The following LHFPL6 variants were observed in gnomAD, a reference collection of about 807,000 sequenced individuals.
The protein encoded by LHFPL6 is LHFPL tetraspan subfamily member 6.
In LHFPL6, 9 loss-of-function variants were observed where a neutral mutation model predicts 20.6. That is an observed-to-expected ratio of 0.44 (90% CI 0.26 to 0.76). The LOEUF (loss-of-function observed/expected upper bound fraction) is 0.76, where lower values mean the gene tolerates loss of function less well. Ranked by LOEUF, LHFPL6 falls within the 30% of genes least tolerant of loss-of-function variation. The probability of loss-of-function intolerance (pLI) is 0.20; values close to 1 mark genes in which losing one functional copy is unlikely to be tolerated. For synonymous variants in LHFPL6, 105 were observed against 98.7 expected, an observed-to-expected ratio of 1.06 and a Z score of -0.38; for missense variants, 218 against 253.5, an observed-to-expected ratio of 0.86 and a Z score of 0.95.
chr13:39,443,192 G>A (rs531999626), intron 2 of LHFPL6, among the ~76,000 whole-genome samples: 2 of 152,242 alleles, frequency 1.3e-5, no homozygotes, highest in African/African-American at 4.8e-5. Context: ...GTTGGTTCAT[G>A]AGAAAAGGAT....
chr13:39,436,813 T>A (rs1489505224), intron 2 of LHFPL6, among the ~76,000 whole-genome samples: 2 of 152,216 alleles, frequency 1.3e-5, no homozygotes, highest in Admixed American at 6.5e-5. Flanking sequence ...TCCCAGTGTG[T>A]GCCTAACAAT....
At chr13:39,569,583 G>A (rs1593367844) in intron 2 of LHFPL6, among the ~76,000 whole-genome samples, 1 of 152,306 alleles carries the variant, frequency 6.6e-6, no homozygotes, top group East Asian at 1.9e-4. Context: ...AATAAACGGT[G>A]TTAAATTTAC....
At chr13:39,516,976 G>T (rs545748595) in intron 2 of LHFPL6, among the ~76,000 whole-genome samples, 1 of 152,256 alleles carries the variant, frequency 6.6e-6, no homozygotes, top group East Asian at 1.9e-4. Flanking sequence ...AATCTTCCAC[G>T]TTGGAAGCAG....
chr13:39,461,899 T>C (rs1289301715), intron 2 of LHFPL6, among the ~76,000 whole-genome samples: 1 of 152,200 alleles, frequency 6.6e-6, no homozygotes, highest in East Asian at 1.9e-4. Flanking sequence ...ACTATTTTTT[T>C]AAATTCCTGA....
At chr13:39,554,510 A>ATT (rs1315810931) in intron 2 of LHFPL6, among the ~76,000 whole-genome samples, 2 of 152,236 alleles carry the variant, frequency 1.3e-5, no homozygotes, top group Non-Finnish European at 2.9e-5. Flanking sequence ...AAGATGTTTC[A>ATT]TTATCTGATC....
At chr13:39,433,750 G>T (rs971351082) in intron 2 of LHFPL6, among the ~76,000 whole-genome samples, 1 of 152,204 alleles carries the variant, frequency 6.6e-6, no homozygotes, top group Non-Finnish European at 1.5e-5. Context: ...GCTCAAAGCT[G>T]TCATGTTGGC....
At chr13:39,519,096 C>T (rs777772015) in intron 2 of LHFPL6, among the ~76,000 whole-genome samples, 3 of 151,984 alleles carry the variant, frequency 2.0e-5, no homozygotes, top group Non-Finnish European at 2.9e-5. Context: ...ATTAGCAGGG[C>T]GTGGTGGTGA....
intron 3 of LHFPL6, among the ~76,000 whole-genome samples, chr13:39,374,619 A>G (rs1369648652): frequency 6.6e-6 from 1 of 152,146 alleles, no homozygotes; most frequent in Non-Finnish European, 1.5e-5. Context: ...AGACCATATA[A>G]CTCACAAAGC....
intron 2 of LHFPL6, among the ~76,000 whole-genome samples, chr13:39,428,724 C>T (rs944539088): frequency 6.6e-6 from 1 of 151,884 alleles, no homozygotes; most frequent in Admixed American, 6.6e-5. Flanking sequence ...ACATTTATTT[C>T]CTTTACTTTG....
chr13:39,473,314 T>A lies in LHFPL6; in HGVS notation c.386-94788A>T, dbSNP rs75052492. ...AGAGAAATGCCCATTTATTCCAGAA[T>A]AAGAACAGAAGATACTAGATCACAC... On this transcript the variant is annotated intron_variant, in intron 2 of 3. Coordinates refer to ENST00000379589, the MANE Select transcript of LHFPL6 (RefSeq NM_005780.3). Among the ~76,000 whole-genome samples, 82 of 148,726 alleles carry A rather than the reference T, an allele frequency of 5.5e-4. 2 individuals carry two copies. In the East Asian group the frequency reaches 0.013, roughly 24 times the overall value.
chr13:39,563,752 T>C (rs1211878484), intron 2 of LHFPL6, among the ~76,000 whole-genome samples: 2 of 152,158 alleles, frequency 1.3e-5, no homozygotes, highest in African/African-American at 4.8e-5. Context: ...GTCTCTGTGT[T>C]TTATTATTCC....
intron 2 of LHFPL6, among the ~76,000 whole-genome samples, chr13:39,467,492 G>T (rs955839215): frequency 8.5e-5 from 13 of 152,056 alleles, no homozygotes; most frequent in African/African-American, 2.9e-4. Flanking sequence ...CAGCCTCAAG[G>T]TCTCTCTAAC....
At chr13:39,408,859 T>C (rs1871183250) in intron 2 of LHFPL6, among the ~76,000 whole-genome samples, 2 of 152,184 alleles carry the variant, frequency 1.3e-5, no homozygotes, top group Admixed American at 6.5e-5. Context: ...TTTGTGTTGT[T>C]ATTATTATTC....
chr13:39,456,065 C>T (rs1872562003), intron 2 of LHFPL6, among the ~76,000 whole-genome samples: 1 of 152,164 alleles, frequency 6.6e-6, no homozygotes, highest in East Asian at 1.9e-4. Context: ...AATCCAGTAG[C>T]AAGCAAGAGA....
chr13:39,462,006 G>T (rs1310617574), intron 2 of LHFPL6, among the ~76,000 whole-genome samples: 1 of 152,106 alleles, frequency 6.6e-6, no homozygotes, highest in Non-Finnish European at 1.5e-5. Flanking sequence ...CTGTCACCTG[G>T]GAATGTTTCA....
At chr13:39,521,582 G>C (rs1262852895) in intron 2 of LHFPL6, among the ~76,000 whole-genome samples, 3 of 151,942 alleles carry the variant, frequency 2.0e-5, no homozygotes, top group African/African-American at 7.3e-5. Context: ...TATCCAACGG[G>C]TTGGGTTTGT....
At chr13:39,458,741 A>C (rs1389466862) in intron 2 of LHFPL6, among the ~76,000 whole-genome samples, 1 of 152,016 alleles carries the variant, frequency 6.6e-6, no homozygotes, top group East Asian at 1.9e-4. Context: ...CACCAGGTAC[A>C]ATGGGTGGAC....
chr13:39,512,680 T>C (rs1050158865), intron 2 of LHFPL6, among the ~76,000 whole-genome samples: 1 of 152,158 alleles, frequency 6.6e-6, no homozygotes, highest in Non-Finnish European at 1.5e-5. Context: ...GCCAGTTCTG[T>C]TCCCTTCTTA....
At chr13:39,455,411 G>C (rs960486531) in intron 2 of LHFPL6, among the ~76,000 whole-genome samples, 1 of 152,132 alleles carries the variant, frequency 6.6e-6, no homozygotes, top group Non-Finnish European at 1.5e-5. Flanking sequence ...CATCAAAGGA[G>C]AAAAGGTGTG....
Sources: gnomAD v4.1 joint callset for allele counts (sites outside exome capture counted in the v4.1 genomes callset) on GRCh38, gnomAD v4.1.1 for gene constraint, MANE v1.5 for transcripts, NCBI Gene and HGNC (gene_info 2026-07-23, HGNC 2026-07-21) for gene names.